The following MYO16 variants were observed in gnomAD, a reference collection of about 807,000 sequenced individuals.
MYO16 encodes unconventional myosin-XVI.
Under a neutral mutation model 205.3 loss-of-function variants are expected in MYO16, and 94 were observed. The ratio of observed to expected loss-of-function variants is 0.46; its 90% CI spans 0.39 to 0.54. The LOEUF (loss-of-function observed/expected upper bound fraction) is 0.54, where lower values mean the gene tolerates loss of function less well. MYO16 is among the 20% of genes least tolerant of loss of function. The pLI is 0.00. For synonymous variants in MYO16, 988 were observed against 954.0 expected (o/e 1.04, Z -0.66); for missense variants, 2,315 against 2,387.5 (o/e 0.97, Z 0.63).
chr13:109,039,315 G>A (rs968923682), intron 23 of MYO16, among the ~76,000 whole-genome samples: 10 of 152,206 alleles, frequency 6.6e-5, no homozygotes, highest in African/African-American at 2.4e-4. Flanking sequence ...CGGCAAGGGT[G>A]CAGGAGAACT....
At chr13:109,023,243 TATATATATTTATATATTATACAGATATAA>T (rs1886163948) in intron 23 of MYO16, among the ~76,000 whole-genome samples, 1 of 99,640 alleles carries the variant, frequency 1.0e-5, no homozygotes, top group Non-Finnish European at 1.8e-5. Context: ...CAGATATAAA[TATATATATTTATATATTATACAGATATAA>T]ATATATATAT....
chr13:108,745,142 A>G, intron 4 of MYO16, among the ~76,000 whole-genome samples: 1 of 152,210 alleles, frequency 6.6e-6, no homozygotes, highest in East Asian at 1.9e-4. Flanking sequence ...CAGAGAACTA[A>G]GTTTGTAAGA....
At chr13:109,120,547 G>A in intron 29 of MYO16, 81 bp downstream of exon 29, 1 of 1,027,444 alleles carries the variant, frequency 9.7e-7, no homozygotes, top group South Asian at 1.5e-5. Flanking sequence ...AAGTTTAAAT[G>A]TCGATGGGGT....
At chr13:109,073,533 G>A (rs1367336027) in intron 27 of MYO16, among the ~76,000 whole-genome samples, 1 of 152,088 alleles carries the variant, frequency 6.6e-6, no homozygotes, top group Non-Finnish European at 1.5e-5. Flanking sequence ...GAAATAAGGG[G>A]TATCTAAGCC....
chr13:109,089,217 T>C (rs1028831592), intron 27 of MYO16, among the ~76,000 whole-genome samples: 1 of 143,764 alleles, frequency 7.0e-6, no homozygotes, highest in Non-Finnish European at 1.5e-5. Context: ...ATTATTATTG[T>C]CATTATTATT....
intron 23 of MYO16, 106 bp downstream of exon 23, chr13:109,020,017 G>A: frequency 8.6e-7 from 1 of 1,169,502 alleles, no homozygotes; most frequent in Non-Finnish European, 1.2e-6. Flanking sequence ...TTGGATAAAT[G>A]GAAGCTGGAT....
At position 108,844,491 on chromosome 13, in the gene MYO16, C is replaced by G. The variant is rs183521986; in HGVS notation, c.1246C>G (p.Gln416Glu). Reference sequence around the variant, plus strand: ...GATGAGCGGTTCCACCAAACCCGAGCAGGTAATCATGCTTTCACTGTGTGT... The same window carrying G: ...GATGAGCGGTTCCACCAAACCCGAGGAGGTAATCATGCTTTCACTGTGTGT... ...PMMSGSTKPE[Q>E]VKLMPPAPND... is the part of the protein sequence containing the mutation. The change falls in exon 10 of 35, where the codon CAG (glutamine) becomes GAG (glutamate). Residue 416 changes from glutamine to glutamate, a missense_variant and splice_region_variant. By Grantham distance (29) the Gln-to-Glu change is conservative. Transcript: ENST00000457511. 1.2e-6 allele frequency: 2 copies of G among 1,604,318 alleles called. No homozygotes were observed. The highest frequency in any genetic ancestry group is 3.4e-5 in the Admixed American group (2 of 59,490).
At chr13:108,893,660 A>G (rs746037563) in intron 14 of MYO16, among the ~76,000 whole-genome samples, 22 of 152,192 alleles carry the variant, frequency 1.4e-4, no homozygotes, top group Admixed American at 4.6e-4. Context: ...AGAGGAGAGG[A>G]CAATGTGCTG....
intron 16 of MYO16, among the ~76,000 whole-genome samples, chr13:108,943,129 A>G (rs1882795828): frequency 6.6e-6 from 1 of 152,236 alleles, no homozygotes; most frequent in Non-Finnish European, 1.5e-5. Flanking sequence ...TTCTGGCCCA[A>G]AAGAGGAAAG....
chr13:109,186,662 G>T (rs1165694384), intron 34 of MYO16, among the ~76,000 whole-genome samples: 3 of 152,012 alleles, frequency 2.0e-5, no homozygotes, highest in East Asian at 3.9e-4. Flanking sequence ...CTTTTTAGGT[G>T]CAAACATGCC....
intron 16 of MYO16, among the ~76,000 whole-genome samples, chr13:108,931,886 G>T (rs571350706): frequency 6.6e-6 from 1 of 152,310 alleles, no homozygotes; most frequent in African/African-American, 2.4e-5. Context: ...TGTTGGCCAT[G>T]ATCCTTGTGA....
rs543348488 is a variant in MYO16, at chr13:108,721,005, AT to A, written c.364-6433del. On this transcript the variant is annotated intron_variant, in intron 3 of 34. Transcript: ENST00000457511. ...TACACCAAGACAGCAGAAAAAAAAA[AT>A]TGACAATGCATTTTAAGTTCGAAGT... is the stretch of plus-strand genomic sequence containing the variant. Among the ~76,000 whole-genome samples the A allele has an allele frequency of 3.3e-4, 51 of 152,310 alleles. No individual in the cohort carries two copies. The South Asian group carries it at 0.01, about 31-fold the overall frequency.
chr13:108,695,580 C>T (rs1027023514), intron 2 of MYO16, among the ~76,000 whole-genome samples: 1 of 151,146 alleles, frequency 6.6e-6, no homozygotes. Flanking sequence ...TTGGGGATTT[C>T]GATAGGGTGG....
chr13:108,982,146 G>A (rs1884466118), intron 20 of MYO16, among the ~76,000 whole-genome samples: 1 of 152,244 alleles, frequency 6.6e-6, no homozygotes, highest in Admixed American at 6.5e-5. Flanking sequence ...TGATGAACAA[G>A]TGAAAGGACT....
intron 1 of MYO16, among the ~76,000 whole-genome samples, chr13:108,621,555 G>T (rs760575738): frequency 6.6e-6 from 1 of 152,090 alleles, no homozygotes; most frequent in Non-Finnish European, 1.5e-5. Context: ...TTTGTCCATT[G>T]TATAAGCACT....
At chr13:109,026,821 A>G (rs540876666) in intron 23 of MYO16, among the ~76,000 whole-genome samples, 87 of 152,170 alleles carry the variant, frequency 5.7e-4, no homozygotes, top group African/African-American at 1.7e-3. Context: ...GCCCTACTCA[A>G]TAATGATTCC....
the MYO16 span, among the ~76,000 whole-genome samples, chr13:108,553,324 G>A: frequency 5.9e-5 from 9 of 152,170 alleles, no homozygotes; most frequent in South Asian, 1.0e-3. Context: ...AAGCTTCAAC[G>A]TGAGTTTTAC....
chr13:108,642,000 T>G (rs1297207208), intron 1 of MYO16, among the ~76,000 whole-genome samples: 1 of 152,148 alleles, frequency 6.6e-6, no homozygotes, highest in Non-Finnish European at 1.5e-5. Context: ...ACAGGGTCAA[T>G]CCTAGGGTCT....
At chr13:108,574,324 A>G in the MYO16 span, among the ~76,000 whole-genome samples, 2 of 152,200 alleles carry the variant, frequency 1.3e-5, no homozygotes, top group African/African-American at 4.8e-5. Flanking sequence ...GAAGCAAGGA[A>G]ATGGGATGAA....
Sources: gnomAD v4.1 joint callset for allele counts (sites outside exome capture counted in the v4.1 genomes callset) on GRCh38, gnomAD v4.1.1 for gene constraint, MANE v1.5 for transcripts, NCBI Gene and HGNC (gene_info 2026-07-23, HGNC 2026-07-21) for gene names.